The following KCNAB1 variants were observed in gnomAD, a reference collection of about 807,000 sequenced individuals.
KCNAB1 encodes the protein potassium voltage-gated channel subfamily A regulatory beta subunit 1.
KCNAB1 carries 35 observed loss-of-function variants against 64.6 expected under a neutral mutation model. The observed-to-expected ratio is 0.54, with a 90% CI of 0.41 to 0.72. The LOEUF is 0.72. Ranked by LOEUF, KCNAB1 falls within the 30% of genes least tolerant of loss-of-function variation. The pLI, the probability that KCNAB1 is intolerant of heterozygous loss-of-function variation, is 0.00. For missense variants in KCNAB1, 401 were observed against 512.9 expected (o/e 0.78, Z 2.11); for synonymous variants, 177 against 183.8 (o/e 0.96, Z 0.30).
chr3:156,511,226 C>T (rs2108385142), intron 8 of KCNAB1, among the ~76,000 whole-genome samples: 1 of 152,212 alleles, frequency 6.6e-6, no homozygotes, highest in Middle Eastern at 3.4e-3. Flanking sequence ...GCCTCAGCCT[C>T]CCGAGTAGCT....
chr3:156,119,247 A>C (rs1170657717), upstream of KCNAB1, among the ~76,000 whole-genome samples: 1 of 152,234 alleles, frequency 6.6e-6, no homozygotes, highest in Non-Finnish European at 1.5e-5. Flanking sequence ...CGTACATTAA[A>C]GGAAGCAAGA....
chr3:156,492,701 A>C (rs1253496974), intron 8 of KCNAB1, among the ~76,000 whole-genome samples: 1 of 152,114 alleles, frequency 6.6e-6, no homozygotes, highest in South Asian at 2.1e-4. Flanking sequence ...ACAAAATATG[A>C]ACTTAACCCA....
At chr3:156,477,535 G>C (rs1714461365) in intron 8 of KCNAB1, among the ~76,000 whole-genome samples, 1 of 152,100 alleles carries the variant, frequency 6.6e-6, no homozygotes, top group African/African-American at 2.4e-5. Context: ...ATTCTTCTGG[G>C]AGGACCCTGC....
chr3:156,248,025 T>C (rs552004607), intron 1 of KCNAB1, among the ~76,000 whole-genome samples: 1 of 152,356 alleles, frequency 6.6e-6, no homozygotes, highest in African/African-American at 2.4e-5. Flanking sequence ...ATAAGTGAGA[T>C]GATGGCCATT....
At chr3:156,265,396 C>T (rs937206190) in intron 1 of KCNAB1, among the ~76,000 whole-genome samples, 2 of 152,190 alleles carry the variant, frequency 1.3e-5, no homozygotes, top group Non-Finnish European at 2.9e-5. Flanking sequence ...GGCCATGTGT[C>T]ATTATCTCCC....
chr3:156,152,531 G>T (rs533338310), intron 1 of KCNAB1, among the ~76,000 whole-genome samples: 22 of 152,302 alleles, frequency 1.4e-4, no homozygotes, highest in African/African-American at 5.1e-4. Flanking sequence ...TGGGCTAGAT[G>T]GAACATTTTT....
chr3:156,285,521 TG>T (rs10714190), intron 1 of KCNAB1, among the ~76,000 whole-genome samples: 118,604 of 147,126 alleles, frequency 0.81, 47,112 homozygotes, highest in East Asian at 0.98. Flanking sequence ...GTGGGGGGGA[TG>T]GGGGGGTCTC....
intron 7 of KCNAB1, among the ~76,000 whole-genome samples, chr3:156,469,789 A>G (rs1013666143): frequency 4.6e-5 from 7 of 152,214 alleles, no homozygotes; most frequent in Admixed American, 2.0e-4. Context: ...CAAGAGAACT[A>G]GCTCAAAGTA....
intron 6 of KCNAB1, among the ~76,000 whole-genome samples, chr3:156,464,632 G>C (rs929422621): frequency 3.9e-5 from 6 of 152,028 alleles, no homozygotes; most frequent in African/African-American, 1.5e-4. Flanking sequence ...TAATCAAAAT[G>C]TCTATGTGTA....
At chr3:156,510,736 G>A (rs1360289008) in intron 8 of KCNAB1, among the ~76,000 whole-genome samples, 4 of 152,148 alleles carry the variant, frequency 2.6e-5, no homozygotes, top group Non-Finnish European at 5.9e-5. Flanking sequence ...GCCAAATCCA[G>A]TGGACACTGT....
intron 1 of KCNAB1, among the ~76,000 whole-genome samples, chr3:156,174,966 T>G (rs1712254658): frequency 6.6e-6 from 1 of 152,202 alleles, no homozygotes; most frequent in African/African-American, 2.4e-5. Flanking sequence ...ATGGTGTTTC[T>G]CTGGCTGCCA....
intron 1 of KCNAB1, among the ~76,000 whole-genome samples, chr3:156,271,786 G>A (rs902693560): frequency 5.3e-5 from 8 of 152,128 alleles, no homozygotes; most frequent in Admixed American, 5.2e-4. Context: ...GAAAAGTTAG[G>A]TATTTATCAT....
chr3:156,476,546 C>T (rs955042380), intron 8 of KCNAB1, among the ~76,000 whole-genome samples: 15 of 144,084 alleles, frequency 1.0e-4, no homozygotes, highest in Admixed American at 2.8e-4. Context: ...CACACACACA[C>T]GCACACACAC....
chr3:156,507,066 T>C (rs1460376677), intron 8 of KCNAB1, among the ~76,000 whole-genome samples: 8 of 152,180 alleles, frequency 5.3e-5, no homozygotes. Flanking sequence ...CCAAACCATC[T>C]TCTCCATCAA....
chr3:156,348,130 A>C (rs1724607438), intron 1 of KCNAB1, among the ~76,000 whole-genome samples: 1 of 152,166 alleles, frequency 6.6e-6, no homozygotes, highest in South Asian at 2.1e-4. Context: ...AGGGGTTTAG[A>C]GGGAAAGTCA....
intron 1 of KCNAB1, among the ~76,000 whole-genome samples, chr3:156,327,726 G>A (rs116543737): frequency 0.014 from 2,147 of 152,202 alleles, 21 homozygotes; most frequent in South Asian, 0.031. Flanking sequence ...AGTAGAAAGT[G>A]GTCAGCTGTA....
At chr3:156,480,647 T>C (rs1352402381) in intron 8 of KCNAB1, among the ~76,000 whole-genome samples, 1 of 152,160 alleles carries the variant, frequency 6.6e-6, no homozygotes, top group Non-Finnish European at 1.5e-5. Flanking sequence ...ATCCAAAAGT[T>C]ACTAATGGCA....
chr3:156,129,400 C>T (rs183481325), intron 1 of KCNAB1, among the ~76,000 whole-genome samples: 12 of 152,248 alleles, frequency 7.9e-5, no homozygotes, highest in African/African-American at 2.2e-4. Flanking sequence ...TAAAGTTTCA[C>T]GTTTACTTTT....
At chr3:156,174,509 GC>G (rs1313884332) in intron 1 of KCNAB1, among the ~76,000 whole-genome samples, 1 of 152,200 alleles carries the variant, frequency 6.6e-6, no homozygotes, top group African/African-American at 2.4e-5. Context: ...AGCAGAGAAT[GC>G]CATGCTTCTT....
Sources: gnomAD v4.1 joint callset for allele counts (sites outside exome capture counted in the v4.1 genomes callset) on GRCh38, gnomAD v4.1.1 for gene constraint, MANE v1.5 for transcripts, NCBI Gene and HGNC (gene_info 2026-07-23, HGNC 2026-07-21) for gene names.